UBTD2: variants seen among roughly 807,000 people sequenced by gnomAD.
UBTD2 encodes the protein ubiquitin domain containing 2.
In UBTD2, 9 loss-of-function variants were observed where a neutral mutation model predicts 19.8. The observed-to-expected ratio is 0.46, with a 90% CI of 0.27 to 0.79. UBTD2 has a LOEUF of 0.79. UBTD2 is among the 30% of genes least tolerant of loss of function. The probability of loss-of-function intolerance (pLI) is 0.14; values close to 1 mark genes in which losing one functional copy is unlikely to be tolerated. For missense variants in UBTD2, 250 were observed against 300.4 expected (o/e 0.83, Z 1.24); for synonymous variants, 98 against 103.9 (o/e 0.94, Z 0.35).
chr5:172,257,358 TACC>T (rs1755176623), intron 1 of UBTD2, among the ~76,000 whole-genome samples: 2 of 152,222 alleles, frequency 1.3e-5, no homozygotes, highest in South Asian at 2.1e-4. Flanking sequence ...GGTGTATACA[TACC>T]ACATTTTCTT....
intron 1 of UBTD2, among the ~76,000 whole-genome samples, chr5:172,259,099 A>T (rs774326966): frequency 7.2e-5 from 11 of 152,080 alleles, no homozygotes; most frequent in South Asian, 2.1e-4. Context: ...GACGGCTCTT[A>T]TGATTTTGAG....
chr5:172,251,314 C>CAAAAAAAAAAA (rs57577423), intron 1 of UBTD2, among the ~76,000 whole-genome samples: 21 of 118,164 alleles, frequency 1.8e-4, no homozygotes, highest in South Asian at 5.8e-4. Context: ...GAGCCTATCT[C>CAAAAAAAAAAA]AAAAAAAAAA....
chr5:172,213,389 T>C (rs1561847643), intron 2 of UBTD2, among the ~76,000 whole-genome samples: 1 of 152,212 alleles, frequency 6.6e-6, no homozygotes, highest in South Asian at 2.1e-4. Flanking sequence ...CACAGATTCA[T>C]TGCTTATCTA....
chr5:172,237,198 A>T (rs957256181), intron 1 of UBTD2, among the ~76,000 whole-genome samples: 1 of 152,154 alleles, frequency 6.6e-6, no homozygotes, highest in Non-Finnish European at 1.5e-5. Flanking sequence ...GGTTCAAGCG[A>T]TTCTCCTGCC....
chr5:172,246,441 C>CTTTTTTTTTTTT (rs36037402), intron 1 of UBTD2, among the ~76,000 whole-genome samples: 1 of 85,072 alleles, frequency 1.2e-5, no homozygotes, highest in Non-Finnish European at 2.1e-5. Flanking sequence ...ATTGAGATTG[C>CTTTTTTTTTTTT]TTTTTTTTTT....
Position 172,234,190 on chromosome 5 carries a change from G to T in UBTD2, c.239C>A (p.Ala80Asp). The T allele has an allele frequency of 6.2e-7, 1 of 1,614,102 alleles. No homozygotes were observed. Among genetic ancestry groups the T allele is most frequent in the South Asian group, 1.1e-5 (1 of 91,066 alleles). The part of the protein sequence containing the change: ...IWDALKAAAH[A>D]FESNDHELAQ... ...CAGTTCATGATCATTGCTCTCAAAA[G>T]CATGTGCAGCAGCCTTCAAGGCATC... Residue 80 changes from alanine (A) to aspartate (D), a missense_variant, in exon 2 of 3, where the codon GCT becomes GAT. Ala to Asp is a moderately radical substitution (Grantham distance 126, BLOSUM62 -2). Coordinates refer to ENST00000393792, the MANE Select transcript of UBTD2 (RefSeq NM_152277.3).
intron 2 of UBTD2, among the ~76,000 whole-genome samples, chr5:172,222,003 T>G (rs1045234963): frequency 5.3e-5 from 8 of 152,206 alleles, no homozygotes; most frequent in African/African-American, 1.9e-4. Flanking sequence ...TGCTGTGAAC[T>G]TAAAACCACT....
chr5:172,253,293 A>T (rs1204541650), intron 1 of UBTD2, among the ~76,000 whole-genome samples: 1 of 152,180 alleles, frequency 6.6e-6, no homozygotes, highest in East Asian at 1.9e-4. Flanking sequence ...AGAGAAAGAA[A>T]TACTATATTC....
In UBTD2 at chr5:172,210,116, T is replaced by C. The variant is rs1771409474; in HGVS notation, c.*1714A>G. 1 of 152,352 alleles carries C rather than the reference T, an allele frequency of 6.6e-6. No individual in the cohort carries two copies. The highest frequency in any genetic ancestry group is 2.4e-5 in the African/African-American group (1 of 41,580). 9.4% of individuals were successfully genotyped at this position (152,352 alleles called of 1,614,324 possible). ...TAATGCTGTGGTCTTCACTTGAATT[T>C]AGATTCAATCATCAGCAAATTTAAA... On this transcript the variant is annotated 3_prime_UTR_variant, in exon 3 of 3. Transcript: ENST00000393792.
rs75140183 is a variant in UBTD2 at position 172,255,222 on chromosome 5, T to C, written c.71-20864A>G. ...GGTGCAAATTCCCAGCAGAAGGAGGTGAACTCCGCTTGCTCACCATGAAGT... is the reference window on the plus strand; with the variant it reads ...GGTGCAAATTCCCAGCAGAAGGAGGCGAACTCCGCTTGCTCACCATGAAGT... On this transcript the variant is annotated intron_variant, in intron 1 of 2. Transcript: ENST00000393792. 4.1e-3 allele frequency: 1,806 copies of C among 445,504 alleles called. 35 individuals carry two copies. Among genetic ancestry groups the C allele is most frequent in the African/African-American group, 0.033 (1,618 of 49,188 alleles). 27.6% of individuals were successfully genotyped at this position (445,504 alleles called of 1,614,324 possible). A position where few individuals can be genotyped will look rare whatever the true frequency, so the allele number is the denominator to read the frequency against.
At chr5:172,244,123 T>C (rs1772189123) in intron 1 of UBTD2, among the ~76,000 whole-genome samples, 1 of 152,098 alleles carries the variant, frequency 6.6e-6, no homozygotes, top group African/African-American at 2.4e-5. Flanking sequence ...ATTGGGGGCA[T>C]TCTACAGTCA....
chr5:172,282,025 C>A (rs923735706), intron 1 of UBTD2, among the ~76,000 whole-genome samples: 2 of 152,076 alleles, frequency 1.3e-5, no homozygotes, highest in Non-Finnish European at 2.9e-5. Context: ...GTCACACTAC[C>A]AAAAGGCTTA....
At chr5:172,282,666 C>A (rs6893726) in intron 1 of UBTD2, among the ~76,000 whole-genome samples, 48,878 of 152,038 alleles carry the variant, frequency 0.32, 7,953 homozygotes, top group South Asian at 0.42. Context: ...GGCTGTTTAT[C>A]ACTAAAATAT....
chr5:172,213,759 C>T (rs1019676142), intron 2 of UBTD2, among the ~76,000 whole-genome samples: 2 of 152,090 alleles, frequency 1.3e-5, no homozygotes, highest in Non-Finnish European at 1.5e-5. Context: ...AGGACTTCCT[C>T]GGGGGAACTT....
intron 2 of UBTD2, among the ~76,000 whole-genome samples, chr5:172,233,541 C>T (rs1041357634): frequency 2.0e-5 from 3 of 152,076 alleles, no homozygotes; most frequent in African/African-American, 4.8e-5. Context: ...AGTCACATTC[C>T]TACGCAAAAG....
At chr5:172,212,483 T>C (rs1038780) in intron 2 of UBTD2, among the ~76,000 whole-genome samples, 50,604 of 152,040 alleles carry the variant, frequency 0.33, 8,534 homozygotes, top group South Asian at 0.42. Flanking sequence ...TTCATTAAAA[T>C]GGCATACAAC....
chr5:172,268,649 TG>T (rs1226238587), intron 1 of UBTD2, among the ~76,000 whole-genome samples: 3 of 152,074 alleles, frequency 2.0e-5, no homozygotes, highest in Non-Finnish European at 4.4e-5. Context: ...CTCAGGAGGC[TG>T]AGGCAGAAGA....
At chr5:172,264,964 C>G (rs1309642989) in intron 1 of UBTD2, among the ~76,000 whole-genome samples, 1 of 152,192 alleles carries the variant, frequency 6.6e-6, no homozygotes, top group Non-Finnish European at 1.5e-5. Context: ...TCATACAGTA[C>G]TCAGTATAGG....
At chr5:172,215,070 A>AG (rs1210612060) in intron 2 of UBTD2, among the ~76,000 whole-genome samples, 7 of 152,240 alleles carry the variant, frequency 4.6e-5, no homozygotes, top group Non-Finnish European at 8.8e-5. Context: ...GAACCAGTGC[A>AG]GGGTAGGGAA....
Sources: gnomAD v4.1 joint callset for allele counts (sites outside exome capture counted in the v4.1 genomes callset) on GRCh38, gnomAD v4.1.1 for gene constraint, MANE v1.5 for transcripts, NCBI Gene and HGNC (gene_info 2026-07-23, HGNC 2026-07-21) for gene names.